PDZD2: variants seen among roughly 807,000 people sequenced by gnomAD.
PDZD2 encodes PDZ domain containing 2.
Under a neutral mutation model 220.7 loss-of-function variants are expected in PDZD2, and 90 were observed. The ratio of observed to expected loss-of-function variants is 0.41; its 90% CI spans 0.34 to 0.49. The LOEUF (loss-of-function observed/expected upper bound fraction) is 0.49, where lower values mean the gene tolerates loss of function less well. PDZD2 is among the 20% of genes least tolerant of loss of function. The probability of loss-of-function intolerance (pLI) is 0.28; values close to 1 mark genes in which losing one functional copy is unlikely to be tolerated. For missense variants in PDZD2, 3,174 were observed against 3,608.5 expected (o/e 0.88, Z 3.08); for synonymous variants, 1,375 against 1,450.5 (o/e 0.95, Z 1.18).
intron 7 of PDZD2, among the ~76,000 whole-genome samples, chr5:32,047,100 A>G (rs913580320): frequency 3.3e-5 from 5 of 152,162 alleles, no homozygotes; most frequent in Non-Finnish European, 5.9e-5. Context: ...ATAAATCGAT[A>G]AGAAAGACAT....
chr5:31,962,982 G>T (rs1748393621), intron 2 of PDZD2, among the ~76,000 whole-genome samples: 1 of 152,146 alleles, frequency 6.6e-6, no homozygotes, highest in Non-Finnish European at 1.5e-5. Context: ...TCTCTAAATA[G>T]GAGGGTTCCA....
chr5:32,048,490 A>G (rs2112286367), intron 7 of PDZD2, 49 bp from the exon 8 acceptor site: 10 of 1,542,676 alleles, frequency 6.5e-6, no homozygotes, highest in Middle Eastern at 1.7e-4. Flanking sequence ...TGTGCTTACG[A>G]TTCTTTTTGT....
chr5:31,861,110 G>GC (rs1737665729), intron 2 of PDZD2, among the ~76,000 whole-genome samples: 1 of 152,134 alleles, frequency 6.6e-6, no homozygotes, highest in Non-Finnish European at 1.5e-5. Context: ...AAAATAGATG[G>GC]CCCTTTTGCT....
In PDZD2 at chr5:31,721,291, G is replaced by A. The variant is rs562366836; in HGVS notation, c.-360-77598G>A. On this transcript the variant is annotated intron_variant, in intron 1 of 24. Coordinates refer to ENST00000438447, the MANE Select transcript of PDZD2 (RefSeq NM_178140.4). ...AGGAAAATGGAAACAGATGAAGCCA[G>A]AAGAAAAGATAGATTGGAGAGAACC... 3.9e-5 allele frequency among the ~76,000 whole-genome samples: 6 copies of A among 152,204 alleles called. No homozygotes were observed. In the South Asian group the frequency reaches 6.2e-4, roughly 16 times the overall value.
Position 31,652,785 on chromosome 5 carries a change from C to T in PDZD2, c.-361+13348C>T, listed in dbSNP as rs567949548. ...CAGCACTTTGGGAGGCCAAGGCAGG[C>T]GGATCACTTGAGGTCAGGAGTTCGA... On this transcript the variant is annotated intron_variant, in intron 1 of 24. Transcript: ENST00000438447. Among the ~76,000 whole-genome samples the T allele has an allele frequency of 1.1e-4, 16 of 152,196 alleles. No homozygotes were observed. The East Asian group carries it at 3.1e-3, about 29-fold the overall frequency.
In PDZD2 at chr5:31,715,495, A is replaced by G. The variant is rs889696660; in HGVS notation, c.-361+76058A>G. On this transcript the variant is annotated intron_variant, in intron 1 of 24. Transcript: ENST00000438447. ...TTAAGATACAGAGGCAATTAATGTTATTTATGACATACTAGAAGCTGGATG... is the reference window on the plus strand; with the variant it reads ...TTAAGATACAGAGGCAATTAATGTTGTTTATGACATACTAGAAGCTGGATG... Among the ~76,000 whole-genome samples, 3 of 152,242 alleles carry G rather than the reference A, an allele frequency of 2.0e-5. No individual in the cohort carries two copies. In the East Asian group the frequency reaches 5.8e-4, roughly 29 times the overall value.
rs1561507887 is a variant in PDZD2 at position 31,850,117 on chromosome 5, C to CGTGTATATATAAGTATATATAT, written c.476+50403_476+50404insAAGTATATATATGTGTATATAT. Among the ~76,000 whole-genome samples the CGTGTATATATAAGTATATATAT allele has an allele frequency of 4.7e-5, 6 of 128,796 alleles. 1 individual carries two copies. The highest frequency in any genetic ancestry group is 1.7e-4 in the African/African-American group (6 of 34,552). The allele number at this position is 128,796 out of a possible 152,430, so 84.5% of individuals were successfully genotyped here. A position where few individuals can be genotyped will look rare whatever the true frequency, so the allele number is the denominator to read the frequency against. ...ATACGTGTATATATAAGTATATATA[C>CGTGTATATATAAGTATATATAT]GTGTATATATGTGTGTGTATATATA... On this transcript the variant is annotated intron_variant, in intron 2 of 24. Transcript: ENST00000438447.
chr5:31,736,255 C>T (rs535715405), intron 1 of PDZD2, among the ~76,000 whole-genome samples: 1 of 152,238 alleles, frequency 6.6e-6, no homozygotes, highest in South Asian at 2.1e-4. Flanking sequence ...GCTTATCTTC[C>T]TGTCACTGCT....
intron 19 of PDZD2, among the ~76,000 whole-genome samples, chr5:32,079,427 G>A (rs764544606): frequency 6.6e-6 from 1 of 151,834 alleles, no homozygotes; most frequent in Non-Finnish European, 1.5e-5. Context: ...GGTTGTTACT[G>A]TCTCAGCGCC....
chr5:31,680,000 G>C (rs768247231), intron 1 of PDZD2, among the ~76,000 whole-genome samples: 5 of 152,192 alleles, frequency 3.3e-5, no homozygotes, highest in Non-Finnish European at 4.4e-5. Flanking sequence ...AAAATGTTTA[G>C]CTCCAAAAGG....
chr5:32,010,495 G>A lies in PDZD2; in HGVS notation c.1407+13G>A. On this transcript the variant is annotated intron_variant, in intron 6 of 24. Transcript: ENST00000438447. ...TGTCCAGAGAGCAGTAAGTGGCTCTGTGCTCCTGGCTTTCTGTTGGAATTA... is the reference window on the plus strand; with the variant it reads ...TGTCCAGAGAGCAGTAAGTGGCTCTATGCTCCTGGCTTTCTGTTGGAATTA... 1 of 1,597,360 alleles carries A rather than the reference G, an allele frequency of 6.3e-7. No individual in the cohort carries two copies. The highest frequency in any genetic ancestry group is 8.6e-7 in the Non-Finnish European group (1 of 1,166,672).
At chr5:31,974,962 T>A (rs554328096) in intron 2 of PDZD2, among the ~76,000 whole-genome samples, 1 of 152,082 alleles carries the variant, frequency 6.6e-6, no homozygotes, top group Admixed American at 6.5e-5. Flanking sequence ...AGTTGATAAT[T>A]TGAATTGGGC....
At position 31,840,411 on chromosome 5, in the gene PDZD2, TA is replaced by T. The variant is rs1561498991; in HGVS notation, c.476+40688del. Reference sequence around the variant, plus strand: ...GTCATTTTCATTATATATATATATATATATATATATATATATATATATATAT... The same window carrying T: ...GTCATTTTCATTATATATATATATATTATATATATATATATATATATATAT... On this transcript the variant is annotated intron_variant, in intron 2 of 24. Transcript: ENST00000438447. 1.5e-4 allele frequency: 12 copies of T among 78,592 alleles called. 2 individuals carry two copies. Among genetic ancestry groups the T allele is most frequent in the South Asian group, 1.4e-3 (3 of 2,186 alleles). 4.9% of individuals were successfully genotyped at this position (78,592 alleles called of 1,614,324 possible).
chr5:32,080,285 T>C (rs1418471725), intron 19 of PDZD2, among the ~76,000 whole-genome samples: 1 of 145,026 alleles, frequency 6.9e-6, no homozygotes, highest in African/African-American at 2.6e-5. Flanking sequence ...GAGGTGGAGC[T>C]TGCAGCGAGC....
chr5:32,043,843 T>C (rs1301300178), intron 7 of PDZD2, among the ~76,000 whole-genome samples: 1 of 151,026 alleles, frequency 6.6e-6, no homozygotes, highest in Non-Finnish European at 1.5e-5. Flanking sequence ...GCCAGGCTGG[T>C]CTCAAACTCC....
At chr5:31,850,226 G>GTATATATATATATATATATA (rs752884909) in intron 2 of PDZD2, among the ~76,000 whole-genome samples, 4 of 101,208 alleles carry the variant, frequency 4.0e-5, no homozygotes, top group African/African-American at 1.6e-4. Context: ...ATATATATAA[G>GTATATATATATATATATATA]TATATATATA....
intron 2 of PDZD2, chr5:31,855,146 C>T (rs1758333101): frequency 2.0e-6 from 2 of 981,854 alleles, no homozygotes; most frequent in South Asian, 9.4e-5. Flanking sequence ...AGGAACCCTC[C>T]GAAGGTGACT....
intron 2 of PDZD2, among the ~76,000 whole-genome samples, chr5:31,947,049 A>T (rs1403286561): frequency 1.3e-5 from 2 of 152,168 alleles, no homozygotes; most frequent in Non-Finnish European, 2.9e-5. Context: ...ACCACTGTAG[A>T]CCTGGTATCC....
At chr5:31,996,732 A>G (rs1440863073) in intron 4 of PDZD2, among the ~76,000 whole-genome samples, 1 of 152,060 alleles carries the variant, frequency 6.6e-6, no homozygotes, top group East Asian at 1.9e-4. Context: ...ATAGAACAAA[A>G]TAGCTGGTCA....
Sources: allele counts gnomAD v4.1 joint callset (sites outside exome capture counted in the v4.1 genomes callset), GRCh38; gene constraint gnomAD v4.1.1; transcripts MANE v1.5; gene names NCBI Gene and HGNC (gene_info 2026-07-23, HGNC 2026-07-21).